The following SUMF1 variants were observed in gnomAD, a reference collection of about 807,000 sequenced individuals.
SUMF1 encodes sulfatase modifying factor 1, also known as formylglycine-generating enzyme.
Under a neutral mutation model 47.6 loss-of-function variants are expected in SUMF1, and 48 were observed. The ratio of observed to expected loss-of-function variants is 1.01; its 90% CI spans 0.80 to 1.28. SUMF1 has a LOEUF of 1.28. SUMF1 is among the 50% of genes most tolerant of loss of function. The pLI is 0.00. For missense variants in SUMF1, 571 were observed against 485.4 expected, an observed-to-expected ratio of 1.18 and a Z score of -1.66; for synonymous variants, 230 against 192.1, an observed-to-expected ratio of 1.20 and a Z score of -1.63.
At chr3:4,314,000 G>C in intron 8 of SUMF1, 2 of 669,632 alleles carry the variant, frequency 3.0e-6, no homozygotes, top group Non-Finnish European at 2.4e-6. Flanking sequence ...CTAGTTAATA[G>C]GATATAAGCA....
intron 9 of SUMF1, among the ~76,000 whole-genome samples, chr3:4,043,971 A>AAC (rs11275271): frequency 3.2e-4 from 49 of 152,016 alleles, no homozygotes; most frequent in Non-Finnish European, 6.6e-4. Context: ...CTAGGCACAT[A>AAC]TTCCAAGGCT....
chr3:4,349,430 T>TC (rs34924359), intron 8 of SUMF1, among the ~76,000 whole-genome samples: 1 of 152,186 alleles, frequency 6.6e-6, no homozygotes, highest in Admixed American at 6.5e-5. Flanking sequence ...GTATGGTGAT[T>TC]CCCCAAGGAT....
chr3:4,155,230 T>C (rs372973989), intron 8 of SUMF1, among the ~76,000 whole-genome samples: 8 of 151,526 alleles, frequency 5.3e-5, no homozygotes, highest in African/African-American at 1.7e-4. Context: ...CTTAGGTTCA[T>C]GTGCAGAGGA....
chr3:4,275,838 G>A lies in SUMF1; in HGVS notation c.1014+100492C>T, dbSNP rs191796284. Among the ~76,000 whole-genome samples the A allele has an allele frequency of 4.6e-5, 7 of 152,222 alleles. No individual in the cohort carries two copies. In the East Asian group the frequency reaches 9.7e-4, roughly 21 times the overall value. On this transcript the variant is annotated intron_variant and NMD_transcript_variant, in intron 8 of 12. Coordinates refer to the SUMF1 transcript ENST00000448413. The stretch of plus-strand genomic sequence containing the variant: ...TTAGCCAAGCAACTATGGTACAAGC[G>A]TCAGAACTAGCAGAAGCACGAGCTT...
At chr3:4,259,997 G>A (rs1488467430) in intron 8 of SUMF1, among the ~76,000 whole-genome samples, 8 of 149,900 alleles carry the variant, frequency 5.3e-5, no homozygotes, top group African/African-American at 2.0e-4. Flanking sequence ...CATAACATAT[G>A]TGTTGACTCT....
intron 9 of SUMF1, among the ~76,000 whole-genome samples, chr3:4,036,173 T>A (rs1014123863): frequency 5.3e-5 from 8 of 152,208 alleles, no homozygotes; most frequent in Non-Finnish European, 1.0e-4. Flanking sequence ...AGTGCCTATC[T>A]TAGCACATAG....
At chr3:4,457,094 A>ATATACGTGTGTGTATATATATAT (rs1559313479) in intron 1 of SUMF1, among the ~76,000 whole-genome samples, 4 of 137,502 alleles carry the variant, frequency 2.9e-5, no homozygotes, top group Admixed American at 1.5e-4. Flanking sequence ...ATATATATAT[A>ATATACGTGTGTGTATATATATAT]TTTTTTTTGT....
chr3:4,088,492 A>G (rs540513584), intron 8 of SUMF1, among the ~76,000 whole-genome samples: 1 of 152,152 alleles, frequency 6.6e-6, no homozygotes, highest in African/African-American at 2.4e-5. Flanking sequence ...TACCACAAAC[A>G]CCACTAATAT....
chr3:4,300,643 A>C (rs1411984364), intron 8 of SUMF1, among the ~76,000 whole-genome samples: 1 of 152,260 alleles, frequency 6.6e-6, no homozygotes, highest in Non-Finnish European at 1.5e-5. Flanking sequence ...TTCTGGGATA[A>C]CTAAGTAGAA....
intron 8 of SUMF1, among the ~76,000 whole-genome samples, chr3:4,274,306 C>T (rs1351198611): frequency 6.6e-6 from 1 of 152,026 alleles, no homozygotes; most frequent in African/African-American, 2.4e-5. Flanking sequence ...CACCAAGAAA[C>T]TAAATTTGTA....
intron 8 of SUMF1, among the ~76,000 whole-genome samples, chr3:4,335,094 A>T (rs17040374): frequency 6.6e-6 from 1 of 152,122 alleles, no homozygotes; most frequent in Non-Finnish European, 1.5e-5. Flanking sequence ...TTCAGTTGAC[A>T]TAAGAGGGGA....
chr3:4,236,379 A>C (rs954041642), intron 8 of SUMF1, among the ~76,000 whole-genome samples: 2 of 152,158 alleles, frequency 1.3e-5, no homozygotes, highest in Admixed American at 1.3e-4. Context: ...GGAACTAAAA[A>C]GAAAAATGAG....
chr3:4,387,356 G>A (rs752387789), intron 7 of SUMF1, among the ~76,000 whole-genome samples: 3 of 151,822 alleles, frequency 2.0e-5, no homozygotes, highest in Non-Finnish European at 4.4e-5. Flanking sequence ...GTTGTTTCTC[G>A]CCTAAGTTGT....
chr3:4,374,894 G>T (rs960526315), intron 8 of SUMF1, among the ~76,000 whole-genome samples: 4 of 152,018 alleles, frequency 2.6e-5, no homozygotes, highest in Non-Finnish European at 5.9e-5. Context: ...GGGCACAGTG[G>T]CTGATGCCTG....
chr3:4,095,770 G>C (rs1277117172), intron 8 of SUMF1, among the ~76,000 whole-genome samples: 3 of 152,124 alleles, frequency 2.0e-5, no homozygotes, highest in African/African-American at 4.8e-5. Context: ...GCTGGTCCCA[G>C]TGACCTCTAA....
In SUMF1 at chr3:4,467,246, G is replaced by C. The variant is rs753791256; in HGVS notation, c.-1C>G. On this transcript the variant is annotated 5_prime_UTR_variant, in exon 1 of 9. Coordinates refer to ENST00000272902, the MANE Select transcript of SUMF1 (RefSeq NM_182760.4). ...CCAGCCCTAGTGCGGGCGCAGCCAT[G>C]TTGTCCCGCGGGCCATGTGACCCGG... The C allele has an allele frequency of 3.7e-6, 6 of 1,607,362 alleles. No individual in the cohort carries two copies. The highest frequency in any genetic ancestry group is 1.1e-5 in the South Asian group (1 of 89,638).
intron 8 of SUMF1, among the ~76,000 whole-genome samples, chr3:4,266,880 T>C (rs1697206440): frequency 6.7e-6 from 1 of 149,446 alleles, no homozygotes; most frequent in African/African-American, 2.5e-5. Flanking sequence ...ATAGCTCTTA[T>C]TATTTTGAGA....
intron 8 of SUMF1, among the ~76,000 whole-genome samples, chr3:4,231,841 CAT>C (rs1696306257): frequency 1.3e-5 from 2 of 152,078 alleles, no homozygotes; most frequent in East Asian, 3.9e-4. Context: ...ATGTCACAGT[CAT>C]AAAGAATTTT....
chr3:4,265,064 G>A (rs1023174378), intron 8 of SUMF1, among the ~76,000 whole-genome samples: 1 of 150,968 alleles, frequency 6.6e-6, no homozygotes, highest in Admixed American at 6.6e-5. Context: ...TTGAACCCGG[G>A]AGGTGGAGGC....
Sources: allele counts gnomAD v4.1 joint callset (sites outside exome capture counted in the v4.1 genomes callset), GRCh38; gene constraint gnomAD v4.1.1; transcripts MANE v1.5; gene names NCBI Gene and HGNC (gene_info 2026-07-23, HGNC 2026-07-21).